Variants in ADAD1 observed in about 807,000 individuals in gnomAD.
ADAD1 encodes adenosine deaminase domain containing 1.
A neutral mutation model predicts 66.8 loss-of-function variants in ADAD1; 46 were observed. The ratio of observed to expected loss-of-function variants is 0.69; its 90% confidence interval spans 0.54 to 0.88. ADAD1 has a LOEUF of 0.88. Ranked by LOEUF, ADAD1 falls within the 40% of genes least tolerant of loss-of-function variation. The probability of loss-of-function intolerance (pLI) is 0.00; values close to 1 mark genes in which losing one functional copy is unlikely to be tolerated. For synonymous variants in ADAD1, 248 were observed against 229.4 expected (o/e 1.08, Z -0.73); for missense variants, 617 against 681.8 (o/e 0.91, Z 1.06).
At chr4:122,406,758 A>G (rs977037147) in intron 7 of ADAD1, among the ~76,000 whole-genome samples, 1 of 152,134 alleles carries the variant, frequency 6.6e-6, no homozygotes, top group South Asian at 2.1e-4. Flanking sequence ...TGCCCAGGGC[A>G]GTGTGCACGT....
chr4:122,414,219 G>T (rs761679567), intron 10 of ADAD1, among the ~76,000 whole-genome samples: 4 of 138,142 alleles, frequency 2.9e-5, no homozygotes, highest in Non-Finnish European at 6.2e-5. Context: ...CATTTCATGA[G>T]GAATTTGACT....
chr4:122,390,584 T>A (rs2150544060), intron 5 of ADAD1, among the ~76,000 whole-genome samples: 1 of 152,328 alleles, frequency 6.6e-6, no homozygotes, highest in Non-Finnish European at 1.5e-5. Flanking sequence ...CTTGTTTGCA[T>A]GTCTTATTTC....
At chr4:122,403,938 T>C (rs1796092747) in intron 7 of ADAD1, among the ~76,000 whole-genome samples, 1 of 152,004 alleles carries the variant, frequency 6.6e-6, no homozygotes, top group African/African-American at 2.4e-5. Context: ...GTCATACATG[T>C]CACCAGGGAA....
intron 12 of ADAD1, among the ~76,000 whole-genome samples, chr4:122,423,725 A>G (rs1376761666): frequency 6.6e-6 from 1 of 151,980 alleles, no homozygotes; most frequent in Middle Eastern, 3.2e-3. Context: ...GAGAGCCCAG[A>G]TACAATAAGA....
At chr4:122,395,062 T>C (rs552148600) in intron 6 of ADAD1, among the ~76,000 whole-genome samples, 2 of 152,052 alleles carry the variant, frequency 1.3e-5, no homozygotes, top group African/African-American at 4.8e-5. Flanking sequence ...ATTTATTTAT[T>C]TATTTGAGGT....
At chr4:122,417,953 T>C (rs1021259786) in intron 11 of ADAD1, among the ~76,000 whole-genome samples, 2 of 152,150 alleles carry the variant, frequency 1.3e-5, no homozygotes, top group East Asian at 3.8e-4. Context: ...ATTGAAAATA[T>C]TACATATCAG....
chr4:122,408,123 T>C, intron 8 of ADAD1, 92 bp downstream of exon 8: 1 of 1,347,044 alleles, frequency 7.4e-7, no homozygotes, highest in Non-Finnish European at 1.0e-6. Context: ...AATGGAATTT[T>C]ATTGATCATA....
intron 11 of ADAD1, among the ~76,000 whole-genome samples, chr4:122,420,637 T>C (rs1390096385): frequency 8.5e-5 from 13 of 152,220 alleles, no homozygotes; most frequent in Non-Finnish European, 1.5e-4. Context: ...TTTGACTGTT[T>C]TTGTTATCTA....
chr4:122,396,340 A>G lies in ADAD1; in HGVS notation c.687A>G (p.Lys229=). 6.2e-7 allele frequency: 1 copy of G among 1,602,664 alleles called. No individual in the cohort carries two copies. Among genetic ancestry groups the G allele is most frequent in the Non-Finnish European group, 8.5e-7 (1 of 1,175,408 alleles). The change falls in exon 7 of 13, where the codon AAA becomes AAG. Residue 229 remains lysine, a synonymous_variant. Coordinates refer to ENST00000296513, the MANE Select transcript of ADAD1 (RefSeq NM_139243.4). ...QLISNRSEYL[K]YSSSLAAFII... ...TTTCTAATCGTTCAGAATACCTGAA[A>G]TATAGCAGTTCATTGGCTGCTTTTA... is the stretch of plus-strand genomic sequence containing the variant.
intron 5 of ADAD1, among the ~76,000 whole-genome samples, chr4:122,385,221 T>C (rs184356027): frequency 6.6e-6 from 1 of 152,296 alleles, no homozygotes; most frequent in Non-Finnish European, 1.5e-5. Context: ...TAAAATTATT[T>C]TTCATGTATA....
chr4:122,404,789 C>CA (rs1796133608), intron 7 of ADAD1, among the ~76,000 whole-genome samples: 1 of 152,062 alleles, frequency 6.6e-6, no homozygotes, highest in Non-Finnish European at 1.5e-5. Flanking sequence ...TCCTTCCCTC[C>CA]CCTGCCACCA....
chr4:122,397,314 C>A (rs1795763181), intron 7 of ADAD1, among the ~76,000 whole-genome samples: 1 of 152,124 alleles, frequency 6.6e-6, no homozygotes. Flanking sequence ...AGACCATGGG[C>A]TGTAATTGTT....
intron 7 of ADAD1, among the ~76,000 whole-genome samples, chr4:122,401,155 T>C (rs1025364035): frequency 6.6e-6 from 1 of 152,138 alleles, no homozygotes; most frequent in African/African-American, 2.4e-5. Context: ...AACTTCCCGC[T>C]TAGCACCCCT....
At chr4:122,408,225 C>A (rs1228107976) in intron 8 of ADAD1, among the ~76,000 whole-genome samples, 194 bp downstream of exon 8, 5 of 152,150 alleles carry the variant, frequency 3.3e-5, no homozygotes, top group Non-Finnish European at 2.9e-5. Context: ...AATGTCTACC[C>A]TGTGGATTTT....
intron 12 of ADAD1, among the ~76,000 whole-genome samples, chr4:122,421,936 A>T (rs2150602169): frequency 6.6e-6 from 1 of 152,228 alleles, no homozygotes; most frequent in South Asian, 2.1e-4. Flanking sequence ...CAGAAAAAAT[A>T]TTATTAATAC....
intron 12 of ADAD1, among the ~76,000 whole-genome samples, chr4:122,423,202 G>A (rs900205791): frequency 6.6e-6 from 1 of 152,144 alleles, no homozygotes; most frequent in African/African-American, 2.4e-5. Context: ...ACAGGGGAAT[G>A]AAAGTTTGCA....
chr4:122,415,324 T>C (rs1796679317), intron 10 of ADAD1, 55 bp from the exon 11 acceptor site: 1 of 1,343,812 alleles, frequency 7.4e-7, no homozygotes, highest in African/African-American at 1.5e-5. Context: ...TCATTTATTT[T>C]ATTTTGGGAT....
Position 122,411,274 on chromosome 4 carries a change from G to GA in ADAD1, c.906dup (p.Ser303IlefsTer10), listed in dbSNP as rs1232764560. 1.2e-6 allele frequency: 2 copies of GA among 1,610,938 alleles called. No individual in the cohort carries two copies. The highest frequency in any genetic ancestry group is 1.7e-6 in the Non-Finnish European group (2 of 1,179,060). ...CTACAGCAAAAATCCTGCTATGATG[G>GA]AAAAATCAATATTTTGTACAGAACC... On this transcript the variant is annotated frameshift_variant, in exon 9 of 13. Transcript: ENST00000296513. LOFTEE classifies it high-confidence loss of function.
rs118148547 is a variant in ADAD1, at chr4:122,394,676, A to G, written c.598+1019A>G. ...GAGGGCAATGAGGGATCAGTCCTAC[A>G]GCAGTGATCTCTTAATATGGGAAGA... On this transcript the variant is annotated intron_variant, in intron 6 of 12. Coordinates refer to ENST00000296513, the MANE Select transcript of ADAD1 (RefSeq NM_139243.4). Among the ~76,000 whole-genome samples, 15 of 152,358 alleles carry G rather than the reference A, an allele frequency of 9.8e-5. No individual in the cohort carries two copies. The East Asian group carries it at 2.7e-3, about 27-fold the overall frequency.
Sources: gnomAD v4.1 joint callset for allele counts (sites outside exome capture counted in the v4.1 genomes callset) on GRCh38, gnomAD v4.1.1 for gene constraint, MANE v1.5 for transcripts, NCBI Gene and HGNC (gene_info 2026-07-23, HGNC 2026-07-21) for gene names.